Variants in PHACTR1 observed in about 807,000 individuals in gnomAD.
The protein encoded by PHACTR1 is phosphatase and actin regulator 1.
Under a neutral mutation model 69.2 loss-of-function variants are expected in PHACTR1, and 16 were observed. That is an observed-to-expected ratio of 0.23 (90% CI 0.16 to 0.35). The LOEUF is 0.35. Among genes scored for constraint, PHACTR1 ranks in the 10% least tolerant of loss-of-function variants. PHACTR1 has a pLI of 1.00. For synonymous variants in PHACTR1, 312 were observed against 284.5 expected (o/e 1.10, Z -0.97); for missense variants, 510 against 734.7 (o/e 0.69, Z 3.54).
intron 7 of PHACTR1, among the ~76,000 whole-genome samples, chr6:13,200,701 G>T (rs189289078): frequency 2.1e-5 from 3 of 146,326 alleles, no homozygotes; most frequent in African/African-American, 8.3e-5. Flanking sequence ...TGGGAGGCCG[G>T]GGTGGGTGGA....
At chr6:13,070,924 T>A (rs1344322790) in intron 5 of PHACTR1, among the ~76,000 whole-genome samples, 1 of 152,082 alleles carries the variant, frequency 6.6e-6, no homozygotes, top group African/African-American at 2.4e-5. Context: ...GAAATAACAT[T>A]AGGCAATGAA....
At chr6:13,018,897 G>C (rs981181331) in intron 4 of PHACTR1, among the ~76,000 whole-genome samples, 2 of 151,838 alleles carry the variant, frequency 1.3e-5, no homozygotes, top group Non-Finnish European at 2.9e-5. Context: ...TTATTTATTT[G>C]AGATAGGGTC....
intron 10 of PHACTR1, among the ~76,000 whole-genome samples, chr6:13,261,155 TGAGACCTCGAGCCTGGACCACCCTTTCGA>T (rs1405420952): frequency 6.6e-6 from 1 of 152,224 alleles, no homozygotes; most frequent in Non-Finnish European, 1.5e-5. Flanking sequence ...GGAGAGTTAC[TGAGACCTCGAGCCTGGACCACCCTTTCGA>T]GAGGTCTGGC....
At position 13,245,227 on chromosome 6, in the gene PHACTR1, A is replaced by G. The variant is rs1313890579; in HGVS notation, c.1391+15034A>G. Among the ~76,000 whole-genome samples the G allele has an allele frequency of 6.6e-6, 1 of 152,218 alleles. No individual in the cohort carries two copies. The highest frequency in any genetic ancestry group is 1.5e-5 in the Non-Finnish European group (1 of 68,040). The stretch of plus-strand genomic sequence containing the variant: ...TAACGGGATTGCAAGGTCGACGGGT[A>G]ATTCTGTTTTAAGTTCTTTGAGAAA... On this transcript the variant is annotated intron_variant, in intron 10 of 14. Coordinates refer to ENST00000332995, the MANE Select transcript of PHACTR1 (RefSeq NM_030948.6). The surrounding 1 kb of genome is among the most constrained non-coding windows in gnomAD (Gnocchi z 4.1).
At chr6:13,110,476 G>A (rs1310533191) in intron 5 of PHACTR1, among the ~76,000 whole-genome samples, 1 of 152,170 alleles carries the variant, frequency 6.6e-6, no homozygotes, top group Non-Finnish European at 1.5e-5. Context: ...TTCCCCAAAG[G>A]TTGTGATGTG....
At chr6:12,827,937 GC>G (rs1255244622) in intron 4 of PHACTR1, among the ~76,000 whole-genome samples, 1 of 152,224 alleles carries the variant, frequency 6.6e-6, no homozygotes, top group African/African-American at 2.4e-5. Flanking sequence ...GGCTTGTTGG[GC>G]TTTTTTGATA....
At chr6:13,035,377 G>T (rs1033544391) in intron 4 of PHACTR1, among the ~76,000 whole-genome samples, 13 of 151,792 alleles carry the variant, frequency 8.6e-5, no homozygotes, top group Non-Finnish European at 1.6e-4. Flanking sequence ...CATTTTTTAG[G>T]TAGGGGTTTA....
chr6:13,177,372 T>C (rs1399308068), intron 6 of PHACTR1, among the ~76,000 whole-genome samples: 3 of 130,820 alleles, frequency 2.3e-5, no homozygotes, highest in African/African-American at 8.2e-5. Context: ...GCGCTCTCTC[T>C]CTCTCTCTCT....
intron 4 of PHACTR1, among the ~76,000 whole-genome samples, chr6:12,783,617 C>T (rs1771106005): frequency 6.6e-6 from 1 of 152,142 alleles, no homozygotes; most frequent in Non-Finnish European, 1.5e-5. Context: ...AATAAAACCA[C>T]AGCAGCTTCT....
intron 4 of PHACTR1, among the ~76,000 whole-genome samples, chr6:12,904,566 A>G (rs1298855117): frequency 1.3e-5 from 2 of 152,142 alleles, no homozygotes; most frequent in East Asian, 3.9e-4. Context: ...GAAAGAACAG[A>G]AACTACTCAT....
At chr6:13,134,795 TAAAAAAA>T (rs35318262) in intron 5 of PHACTR1, among the ~76,000 whole-genome samples, 20 of 111,354 alleles carry the variant, frequency 1.8e-4, no homozygotes, top group African/African-American at 3.1e-4. Context: ...CAATAAATAC[TAAAAAAA>T]AAAAAAAAAA....
At chr6:12,819,285 C>T (rs547246931) in intron 4 of PHACTR1, among the ~76,000 whole-genome samples, 2 of 152,302 alleles carry the variant, frequency 1.3e-5, no homozygotes, top group African/African-American at 4.8e-5. Context: ...AAATTCTCTG[C>T]AATTACAATG....
intron 7 of PHACTR1, among the ~76,000 whole-genome samples, chr6:13,189,325 TA>T (rs751594053): frequency 3.3e-4 from 51 of 152,320 alleles, no homozygotes; most frequent in Admixed American, 1.1e-3. Flanking sequence ...AGCATGAACC[TA>T]TTTTTTTTGA....
intron 4 of PHACTR1, among the ~76,000 whole-genome samples, chr6:12,772,977 T>C (rs1769579713): frequency 6.6e-6 from 1 of 152,198 alleles, no homozygotes; most frequent in African/African-American, 2.4e-5. Context: ...CCAGAAGGAT[T>C]TCCAGACATT....
intron 10 of PHACTR1, among the ~76,000 whole-genome samples, chr6:13,258,228 C>A (rs1437572409): frequency 6.6e-6 from 1 of 151,700 alleles, no homozygotes; most frequent in African/African-American, 2.4e-5. Flanking sequence ...CATGGTGGCG[C>A]GTGCCTGTAA....
intron 4 of PHACTR1, among the ~76,000 whole-genome samples, chr6:12,849,852 C>T (rs1184873878): frequency 1.3e-5 from 2 of 152,034 alleles, no homozygotes; most frequent in East Asian, 1.9e-4. Context: ...ATTAACTAAA[C>T]CATTAATTAA....
intron 5 of PHACTR1, among the ~76,000 whole-genome samples, chr6:13,090,085 G>A (rs113472089): frequency 0.054 from 8,234 of 152,066 alleles, 318 homozygotes; most frequent in Non-Finnish European, 0.086. Context: ...ACGGAGTTTC[G>A]CTCTTGTTGC....
chr6:12,926,383 A>T (rs2127521499), intron 4 of PHACTR1, among the ~76,000 whole-genome samples: 1 of 152,280 alleles, frequency 6.6e-6, no homozygotes, highest in African/African-American at 2.4e-5. Flanking sequence ...AATCTAGTCA[A>T]TTCCCATGGC....
rs375482617 is a variant in PHACTR1 at position 12,932,653 on chromosome 6, A to G, written c.251-120712A>G. On this transcript the variant is annotated intron_variant, in intron 4 of 14. Transcript: ENST00000332995. ...TGTCTATTCTTCTCTCTTAAGCTAA[A>G]CAATTCTGACCCCTTAAACAATATC... Among the ~76,000 whole-genome samples the G allele has an allele frequency of 2.0e-5, 3 of 152,236 alleles. No homozygotes were observed. In the East Asian group the frequency reaches 5.8e-4, roughly 29 times the overall value.
Sources: allele counts gnomAD v4.1 joint callset (sites outside exome capture counted in the v4.1 genomes callset), GRCh38; gene constraint gnomAD v4.1.1; non-coding constraint Gnocchi (gnomAD v3.1); transcripts MANE v1.5; gene names NCBI Gene and HGNC (gene_info 2026-07-23, HGNC 2026-07-21).